Variants in LRP1B observed in about 807,000 individuals in gnomAD.
The protein encoded by LRP1B is low-density lipoprotein receptor-related protein 1B.
In LRP1B, 217 loss-of-function variants were observed where a neutral mutation model predicts 556.6. That is an observed-to-expected ratio of 0.39 (90% confidence interval 0.35 to 0.44). The LOEUF (loss-of-function observed/expected upper bound fraction) is 0.44. Ranked by LOEUF, LRP1B falls within the 20% of genes least tolerant of loss-of-function variation. The pLI, the probability that LRP1B is intolerant of heterozygous loss-of-function variation, is 1.00. For missense variants in LRP1B, 5,053 were observed against 5,620.8 expected (o/e 0.90, Z 3.23); for synonymous variants, 2,047 against 1,865.8 (o/e 1.10, Z -2.50).
chr2:141,424,904 C>T (rs1680296860), intron 3 of LRP1B, among the ~76,000 whole-genome samples: 1 of 152,014 alleles, frequency 6.6e-6, no homozygotes, highest in Non-Finnish European at 1.5e-5. Flanking sequence ...CAAAATTGTG[C>T]TGCTGATTTT....
intron 4 of LRP1B, among the ~76,000 whole-genome samples, chr2:141,253,969 C>T (rs1684366885): frequency 6.6e-6 from 1 of 151,802 alleles, no homozygotes; most frequent in Admixed American, 6.6e-5. Flanking sequence ...GGAAAGGTAA[C>T]CTAAAATTCT....
chr2:141,876,374 A>G (rs1698759531), intron 1 of LRP1B, among the ~76,000 whole-genome samples: 2 of 151,956 alleles, frequency 1.3e-5, no homozygotes, highest in Admixed American at 1.3e-4. Context: ...AGTAAATAAG[A>G]CCAGGTAATT....
At chr2:140,463,840 TTAGTA>T (rs773838169) in intron 60 of LRP1B, among the ~76,000 whole-genome samples, 1 of 152,146 alleles carries the variant, frequency 6.6e-6, no homozygotes, top group African/African-American at 2.4e-5. Context: ...GTGTCTCTCC[TTAGTA>T]TAGTAGTTTA....
At chr2:141,630,402 T>G (rs1688864966) in intron 2 of LRP1B, among the ~76,000 whole-genome samples, 1 of 152,228 alleles carries the variant, frequency 6.6e-6, no homozygotes, top group Admixed American at 6.5e-5. Context: ...ATTCTTTAAC[T>G]GGCTTTAACT....
At chr2:141,917,700 C>A (rs1369747617) in intron 1 of LRP1B, among the ~76,000 whole-genome samples, 1 of 152,148 alleles carries the variant, frequency 6.6e-6, no homozygotes, top group Non-Finnish European at 1.5e-5. Context: ...ACTGCTGCAG[C>A]TTTTGAGTTT....
intron 35 of LRP1B, among the ~76,000 whole-genome samples, chr2:140,761,644 T>C (rs1688927039): frequency 6.6e-6 from 1 of 151,678 alleles, no homozygotes; most frequent in Non-Finnish European, 1.5e-5. Flanking sequence ...CAGTAGAGAG[T>C]TATGGTCTTT....
At chr2:142,046,496 C>T (rs1704265286) in intron 1 of LRP1B, among the ~76,000 whole-genome samples, 1 of 151,948 alleles carries the variant, frequency 6.6e-6, no homozygotes, top group Admixed American at 6.6e-5. Context: ...TGGTAATCAA[C>T]ACTCTTTCTC....
chr2:140,705,559 A>C (rs1303688359), intron 37 of LRP1B, among the ~76,000 whole-genome samples: 1 of 138,914 alleles, frequency 7.2e-6, no homozygotes, highest in African/African-American at 2.7e-5. Context: ...AAAAAAAAAA[A>C]ACACAGACAC....
At chr2:141,539,509 A>G (rs1371916652) in intron 2 of LRP1B, among the ~76,000 whole-genome samples, 1 of 152,112 alleles carries the variant, frequency 6.6e-6, no homozygotes, top group African/African-American at 2.4e-5. Context: ...TTGTGCTCCT[A>G]TTTTCTAATT....
chr2:140,581,576 T>C (rs564558931), intron 43 of LRP1B, among the ~76,000 whole-genome samples: 1 of 152,298 alleles, frequency 6.6e-6, no homozygotes, highest in East Asian at 1.9e-4. Flanking sequence ...CAATTTCTAC[T>C]ATCATTTGCT....
chr2:141,802,940 A>G (rs1366635947), intron 2 of LRP1B, among the ~76,000 whole-genome samples: 1 of 152,108 alleles, frequency 6.6e-6, no homozygotes, highest in Non-Finnish European at 1.5e-5. Context: ...TGTTTACAGT[A>G]CATCGTCTTT....
chr2:141,630,934 A>G (rs1011961677), intron 2 of LRP1B, among the ~76,000 whole-genome samples: 4 of 152,208 alleles, frequency 2.6e-5, no homozygotes, highest in Non-Finnish European at 4.4e-5. Context: ...AACATATTAC[A>G]GTACTCTCCT....
chr2:140,527,675 G>A (rs1352041), intron 47 of LRP1B, among the ~76,000 whole-genome samples: 121,271 of 146,248 alleles, frequency 0.83, 48,587 homozygotes, highest in East Asian at 0.91. Flanking sequence ...GTTCCAAAAC[G>A]GAAAAAAGTT....
chr2:140,771,082 T>C (rs1005625379), intron 33 of LRP1B, 76 bp from the exon 34 acceptor site: 87 of 1,033,796 alleles, frequency 8.4e-5, no homozygotes, highest in Middle Eastern at 5.3e-4. Context: ...CGTCAATAAT[T>C]TGACAAATAT....
At chr2:140,598,534 A>G in intron 43 of LRP1B, 97 bp downstream of exon 43, 1 of 875,748 alleles carries the variant, frequency 1.1e-6, no homozygotes. Flanking sequence ...GGCTATTTTG[A>G]AATTCCTTGA....
chr2:140,645,973 C>T (rs1371810448), intron 41 of LRP1B, among the ~76,000 whole-genome samples: 2 of 151,678 alleles, frequency 1.3e-5, no homozygotes, highest in African/African-American at 2.4e-5. Context: ...TATTATGTAC[C>T]TTATTGTATA....
At chr2:140,622,688 C>G (rs893815873) in intron 41 of LRP1B, among the ~76,000 whole-genome samples, 1 of 152,038 alleles carries the variant, frequency 6.6e-6, no homozygotes, top group African/African-American at 2.4e-5. Context: ...TCATTCGGAA[C>G]AGAAAGAAAG....
chr2:142,101,195 T>C (rs924538877), intron 1 of LRP1B, among the ~76,000 whole-genome samples: 1 of 151,934 alleles, frequency 6.6e-6, no homozygotes, highest in Non-Finnish European at 1.5e-5. Context: ...CTCTGGTGAT[T>C]TGGACCACAG....
intron 16 of LRP1B, among the ~76,000 whole-genome samples, chr2:140,992,970 T>G (rs1325432375): frequency 6.6e-6 from 1 of 152,078 alleles, no homozygotes. Flanking sequence ...TTATGTGTTA[T>G]GTATTAATAT....
Sources: gnomAD v4.1 joint callset for allele counts (sites outside exome capture counted in the v4.1 genomes callset) on GRCh38, gnomAD v4.1.1 for gene constraint, MANE v1.5 for transcripts, NCBI Gene and HGNC (gene_info 2026-07-23, HGNC 2026-07-21) for gene names.